Variants in PTPRN2 observed in about 807,000 individuals in gnomAD.
PTPRN2 encodes protein tyrosine phosphatase receptor type N2.
In PTPRN2, 74 loss-of-function variants were observed where a neutral mutation model predicts 118.8. The observed-to-expected ratio is 0.62, with a 90% CI of 0.52 to 0.76. The LOEUF is 0.76. Ranked by LOEUF, PTPRN2 falls within the 30% of genes least tolerant of loss-of-function variation. PTPRN2 has a pLI of 0.00. For missense variants in PTPRN2, 1,481 were observed against 1,394.4 expected (o/e 1.06, Z -0.99); for synonymous variants, 641 against 608.0 (o/e 1.05, Z -0.80).
In PTPRN2 at chr7:158,587,774, G is replaced by C. The variant is rs1016378412; in HGVS notation, c.-105C>G. On this transcript the variant is annotated 5_prime_UTR_variant, in exon 1 of 23. Transcript: ENST00000389418. ...GCGCGCGCCGCCGGCTCCTCCCGCC[G>C]CGCCTCTCGCGCTCTTGCGGCGACG... 2.2e-3 allele frequency: 2,259 copies of C among 1,004,038 alleles called. 6 individuals carry two copies. Among genetic ancestry groups the C allele is most frequent in the Non-Finnish European group, 2.5e-3 (2,066 of 839,896 alleles). 62.2% of individuals were successfully genotyped at this position (1,004,038 alleles called of 1,614,324 possible). A position where few individuals can be genotyped will look rare whatever the true frequency, so the allele number is the denominator to read the frequency against.
intron 10 of PTPRN2, among the ~76,000 whole-genome samples, chr7:158,098,904 T>C (rs1814914715): frequency 6.6e-6 from 1 of 151,842 alleles, no homozygotes. Flanking sequence ...GGTGCAGCGT[T>C]CCTGGGTCCT....
At position 157,579,693 on chromosome 7, in the gene PTPRN2, T is replaced by C. The variant is rs576829334; in HGVS notation, c.2497-1553A>G. On this transcript the variant is annotated intron_variant, in intron 17 of 22. Transcript: ENST00000389418. ...TCATTATGGGGCGCCTTCCCGGCTC[T>C]CTGAAGATTTGGTTAAGATTAAATC... Among the ~76,000 whole-genome samples the C allele has an allele frequency of 9.2e-5, 14 of 152,336 alleles. No individual in the cohort carries two copies. The East Asian group carries it at 1.2e-3, about 13-fold the overall frequency.
intron 2 of PTPRN2, among the ~76,000 whole-genome samples, chr7:158,351,301 G>A (rs1188913105): frequency 6.6e-6 from 1 of 152,096 alleles, no homozygotes; most frequent in East Asian, 1.9e-4. Flanking sequence ...CTATTCCCCA[G>A]CTCCCTCCTA....
chr7:158,087,347 C>A (rs1813506232), intron 10 of PTPRN2, among the ~76,000 whole-genome samples: 1 of 152,218 alleles, frequency 6.6e-6, no homozygotes, highest in Admixed American at 6.5e-5. Context: ...CATGAGGAAT[C>A]TGTAAATGGC....
At chr7:157,643,255 AT>A (rs1804816235) in intron 14 of PTPRN2, among the ~76,000 whole-genome samples, 1 of 152,228 alleles carries the variant, frequency 6.6e-6, no homozygotes, top group Non-Finnish European at 1.5e-5. Context: ...TCCTTTAAAC[AT>A]TAAGTGCTCA....
At chr7:157,796,176 C>A (rs191007143) in intron 12 of PTPRN2, among the ~76,000 whole-genome samples, 133 of 152,362 alleles carry the variant, frequency 8.7e-4, no homozygotes, top group African/African-American at 3.1e-3. Context: ...CGGGGATGCC[C>A]AGGCACAGGC....
chr7:157,816,343 C>T (rs1806399519), intron 12 of PTPRN2, among the ~76,000 whole-genome samples: 1 of 152,310 alleles, frequency 6.6e-6, no homozygotes, highest in South Asian at 2.1e-4. Context: ...ATGGGTTCCA[C>T]CCTAAACTGG....
chr7:157,575,450 G>A (rs1039309215), intron 19 of PTPRN2, among the ~76,000 whole-genome samples: 3 of 152,244 alleles, frequency 2.0e-5, no homozygotes, highest in African/African-American at 4.8e-5. Context: ...GGGCCACTGA[G>A]TGTGTGTTGT....
chr7:158,439,908 T>C (rs1442037991), intron 2 of PTPRN2, among the ~76,000 whole-genome samples: 1 of 152,268 alleles, frequency 6.6e-6, no homozygotes, highest in African/African-American at 2.4e-5. Context: ...GGCCTGGGGC[T>C]GACTGATTTA....
intron 6 of PTPRN2, among the ~76,000 whole-genome samples, chr7:158,142,298 G>A (rs763762641): frequency 9.2e-5 from 14 of 152,208 alleles, no homozygotes; most frequent in East Asian, 3.9e-4. Context: ...CCCTGGCCCC[G>A]GAGCGGCTGG....
chr7:157,661,659 C>T (rs1795899488), intron 13 of PTPRN2, among the ~76,000 whole-genome samples: 1 of 151,970 alleles, frequency 6.6e-6, no homozygotes, highest in Admixed American at 6.5e-5. Context: ...CAGGAATGGC[C>T]TGCAGGGAGG....
chr7:158,264,828 C>T (rs1354787749), intron 3 of PTPRN2, among the ~76,000 whole-genome samples: 1 of 152,246 alleles, frequency 6.6e-6, no homozygotes, highest in African/African-American at 2.4e-5. Context: ...TGCTGCTTCT[C>T]ACGTGGGGTC....
chr7:158,259,283 G>A (rs1282915301), intron 3 of PTPRN2, among the ~76,000 whole-genome samples: 2 of 152,230 alleles, frequency 1.3e-5, no homozygotes, highest in Non-Finnish European at 1.5e-5. Flanking sequence ...GAAGGGCCAT[G>A]GGAGCAGGCA....
At chr7:157,688,800 G>C (rs1797321598) in intron 12 of PTPRN2, among the ~76,000 whole-genome samples, 1 of 152,198 alleles carries the variant, frequency 6.6e-6, no homozygotes, top group Non-Finnish European at 1.5e-5. Flanking sequence ...GAGGGTCAGC[G>C]TTCGGCCCCG....
intron 1 of PTPRN2, among the ~76,000 whole-genome samples, chr7:158,506,075 G>A (rs1331885933): frequency 6.6e-6 from 1 of 151,836 alleles, no homozygotes; most frequent in South Asian, 2.1e-4. Flanking sequence ...GGCTTGGGAC[G>A]TGCTCTGGTA....
At chr7:158,342,083 A>T (rs1806961068) in intron 2 of PTPRN2, among the ~76,000 whole-genome samples, 2 of 126,320 alleles carry the variant, frequency 1.6e-5, no homozygotes, top group African/African-American at 6.3e-5. Flanking sequence ...TCTCACCAGA[A>T]GGGGTGTCAC....
chr7:157,821,026 C>A (rs547474953), intron 12 of PTPRN2, among the ~76,000 whole-genome samples: 2 of 152,182 alleles, frequency 1.3e-5, no homozygotes, highest in Non-Finnish European at 2.9e-5. Flanking sequence ...GTCTCCCATG[C>A]TGGAGGAGAG....
intron 2 of PTPRN2, among the ~76,000 whole-genome samples, chr7:158,335,583 C>G (rs1229950486): frequency 8.4e-5 from 2 of 23,736 alleles, no homozygotes; most frequent in African/African-American, 2.7e-4. Flanking sequence ...CTGAGGCCCA[C>G]AGAGGACACT....
At chr7:158,209,796 C>CA (rs1041488781) in intron 3 of PTPRN2, among the ~76,000 whole-genome samples, 26 of 152,002 alleles carry the variant, frequency 1.7e-4, no homozygotes, top group Admixed American at 1.2e-3. Flanking sequence ...TACATTATGG[C>CA]AAAAAAATGC....
Sources: gnomAD v4.1 joint callset for allele counts (sites outside exome capture counted in the v4.1 genomes callset) on GRCh38, gnomAD v4.1.1 for gene constraint, MANE v1.5 for transcripts, NCBI Gene and HGNC (gene_info 2026-07-23, HGNC 2026-07-21) for gene names.